Variants in PABPC4L observed in about 807,000 individuals in gnomAD.
The protein encoded by PABPC4L is poly(A) binding protein cytoplasmic 4 like.
For missense variants in PABPC4L, 452 were observed against 451.4 expected (o/e 1.00, Z -0.01); for synonymous variants, 169 against 164.1 (o/e 1.03, Z -0.23).
chr4:134,061,804 C>G, the PABPC4L span, among the ~76,000 whole-genome samples: 1 of 145,174 alleles, frequency 6.9e-6, no homozygotes, highest in Admixed American at 7.0e-5. Context: ...TTGTTAATTA[C>G]AGAAGTTTTA....
chr4:134,191,075 A>G, the PABPC4L span, among the ~76,000 whole-genome samples: 7 of 152,162 alleles, frequency 4.6e-5, no homozygotes, highest in Non-Finnish European at 1.0e-4. Context: ...TTGTCAGTAG[A>G]AATATTCAGT....
At chr4:134,130,979 C>CA in the PABPC4L span, among the ~76,000 whole-genome samples, 1 of 151,972 alleles carries the variant, frequency 6.6e-6, no homozygotes, top group Non-Finnish European at 1.5e-5. Flanking sequence ...AAGAATTTCA[C>CA]AAAATACATC....
chr4:133,991,063 C>T, the PABPC4L span, among the ~76,000 whole-genome samples: 1 of 152,170 alleles, frequency 6.6e-6, no homozygotes, highest in African/African-American at 2.4e-5. Context: ...TGTGCAGCAA[C>T]AGGTTTGTCA....
the PABPC4L span, among the ~76,000 whole-genome samples, chr4:134,158,300 A>G: frequency 4.6e-5 from 7 of 152,052 alleles, 1 homozygote; most frequent in East Asian, 1.2e-3. Context: ...CAGATACTTT[A>G]TTGTCTTCTT....
the PABPC4L span, among the ~76,000 whole-genome samples, chr4:134,174,911 A>G: frequency 6.6e-6 from 1 of 151,812 alleles, no homozygotes; most frequent in Non-Finnish European, 1.5e-5. Flanking sequence ...GCGGGTTTTG[A>G]AATAGTAGGG....
At chr4:133,992,462 C>T in the PABPC4L span, among the ~76,000 whole-genome samples, 1 of 152,252 alleles carries the variant, frequency 6.6e-6, no homozygotes, top group African/African-American at 2.4e-5. Flanking sequence ...AGGGTTAGAA[C>T]TTTTATAACT....
At chr4:134,042,676 GT>G in the PABPC4L span, among the ~76,000 whole-genome samples, 1 of 152,078 alleles carries the variant, frequency 6.6e-6, no homozygotes, top group Non-Finnish European at 1.5e-5. Context: ...TCTAATTGGA[GT>G]TTTTCTGCAG....
At chr4:134,078,679 T>G in the PABPC4L span, among the ~76,000 whole-genome samples, 4 of 150,494 alleles carry the variant, frequency 2.7e-5, no homozygotes, top group Non-Finnish European at 4.4e-5. Context: ...CAGACGGAGT[T>G]TCACTCTTGT....
At chr4:134,060,846 T>G in the PABPC4L span, among the ~76,000 whole-genome samples, 3 of 152,034 alleles carry the variant, frequency 2.0e-5, no homozygotes, top group Admixed American at 1.3e-4. Flanking sequence ...ATGTTTTCAC[T>G]TATTTGTGAG....
At chr4:133,985,188 G>C in the PABPC4L span, among the ~76,000 whole-genome samples, 1 of 151,928 alleles carries the variant, frequency 6.6e-6, no homozygotes, top group Admixed American at 6.6e-5. Context: ...AGATAAACCT[G>C]GAAATGCCTA....
the PABPC4L span, among the ~76,000 whole-genome samples, chr4:134,069,158 T>G: frequency 6.6e-6 from 1 of 152,194 alleles, no homozygotes; most frequent in Admixed American, 6.5e-5. Context: ...CCCCAATCTC[T>G]TCTGGCTTGT....
the PABPC4L span, among the ~76,000 whole-genome samples, chr4:133,971,541 C>T: frequency 6.6e-6 from 1 of 152,190 alleles, no homozygotes. Context: ...TCCAGTTTCT[C>T]TTTGTCAATG....
the PABPC4L span, among the ~76,000 whole-genome samples, chr4:134,126,063 A>G: frequency 6.6e-6 from 1 of 152,160 alleles, no homozygotes. Context: ...TAGGACTTAT[A>G]TTCTTTAATA....
the PABPC4L span, among the ~76,000 whole-genome samples, chr4:133,976,621 T>C: frequency 1.7e-4 from 26 of 152,310 alleles, no homozygotes; most frequent in East Asian, 5.0e-3. Flanking sequence ...CACCAGCATC[T>C]GTTGTTTCTT....
chr4:133,956,771 A>G, the PABPC4L span, among the ~76,000 whole-genome samples: 1 of 152,202 alleles, frequency 6.6e-6, no homozygotes, highest in East Asian at 1.9e-4. Flanking sequence ...CAATCATGGC[A>G]AAAGGTGAAA....
chr4:134,142,061 T>C, the PABPC4L span, among the ~76,000 whole-genome samples: 1 of 151,670 alleles, frequency 6.6e-6, no homozygotes, highest in East Asian at 1.9e-4. Flanking sequence ...AAAAAGTGAA[T>C]TTCTAATAAA....
chr4:134,060,054 C>T, the PABPC4L span, among the ~76,000 whole-genome samples: 3 of 151,974 alleles, frequency 2.0e-5, no homozygotes, highest in Admixed American at 1.3e-4. Context: ...ACAGTGATTG[C>T]GAGACATTGC....
chr4:134,039,764 A>T, the PABPC4L span, among the ~76,000 whole-genome samples: 436 of 151,626 alleles, frequency 2.9e-3, 2 homozygotes, highest in Non-Finnish European at 4.1e-3. Context: ...ATGGGTCTTG[A>T]CTCTTTATCT....
chr4:134,079,274 T>C, the PABPC4L span, among the ~76,000 whole-genome samples: 2 of 150,912 alleles, frequency 1.3e-5, 1 homozygote, highest in African/African-American at 4.8e-5. Context: ...CCAACCTGTT[T>C]TGTAACATTT....
Sources: allele counts gnomAD v4.1 joint callset (sites outside exome capture counted in the v4.1 genomes callset), GRCh38; gene constraint gnomAD v4.1.1; transcripts MANE v1.5; gene names NCBI Gene and HGNC (gene_info 2026-07-23, HGNC 2026-07-21).